Variants in BRMS1L observed in about 807,000 individuals in gnomAD.
BRMS1L encodes breast cancer metastasis-suppressor 1-like protein.
BRMS1L carries 23 observed loss-of-function variants against 50.3 expected under a neutral mutation model. The observed-to-expected ratio is 0.46, with a 90% CI of 0.33 to 0.65. BRMS1L has a LOEUF of 0.65. BRMS1L is among the 30% of genes least tolerant of loss of function. The pLI is 0.02. For missense variants in BRMS1L, 286 were observed against 386.1 expected (o/e 0.74, Z 2.17); for synonymous variants, 114 against 126.9 (o/e 0.90, Z 0.69).
chr14:35,864,581 A>G (rs1328021158), intron 6 of BRMS1L, among the ~76,000 whole-genome samples: 5 of 152,146 alleles, frequency 3.3e-5, no homozygotes, highest in African/African-American at 1.2e-4. Context: ...ACATTTTTAA[A>G]TGTTTCCAAA....
intron 4 of BRMS1L, among the ~76,000 whole-genome samples, chr14:35,855,055 C>T (rs1044483794): frequency 2.6e-5 from 4 of 152,188 alleles, no homozygotes; most frequent in African/African-American, 7.2e-5. Context: ...TGTAGTCCTT[C>T]GGGGCTTTGT....
At chr14:35,842,474 T>C (rs1467251317) in intron 4 of BRMS1L, among the ~76,000 whole-genome samples, 1 of 152,200 alleles carries the variant, frequency 6.6e-6, no homozygotes, top group Non-Finnish European at 1.5e-5. Context: ...GGGTTGAAAA[T>C]TCTTTTCTTT....
intron 4 of BRMS1L, among the ~76,000 whole-genome samples, chr14:35,861,007 C>T (rs956999889): frequency 2.0e-5 from 3 of 152,156 alleles, no homozygotes; most frequent in Non-Finnish European, 4.4e-5. Context: ...CCTTCTTTTC[C>T]AGGTATCTTC....
chr14:35,858,378 A>C (rs927585990), intron 4 of BRMS1L, among the ~76,000 whole-genome samples: 1 of 152,108 alleles, frequency 6.6e-6, no homozygotes, highest in Non-Finnish European at 1.5e-5. Context: ...AGCAACCTGG[A>C]TGTCCCCTTC....
chr14:35,854,445 C>T (rs1167119487), intron 4 of BRMS1L, among the ~76,000 whole-genome samples: 1 of 152,206 alleles, frequency 6.6e-6, no homozygotes, highest in Non-Finnish European at 1.5e-5. Flanking sequence ...TCACTGGCCG[C>T]ATTTGAGCTC....
At chr14:35,851,371 A>G (rs2078209105) in intron 4 of BRMS1L, among the ~76,000 whole-genome samples, 1 of 144,174 alleles carries the variant, frequency 6.9e-6, no homozygotes, top group Admixed American at 6.9e-5. Flanking sequence ...ATGTCTAAAC[A>G]AAAAAGCATG....
chr14:35,855,806 TG>T (rs528225948), intron 4 of BRMS1L, among the ~76,000 whole-genome samples: 14 of 152,174 alleles, frequency 9.2e-5, no homozygotes, highest in South Asian at 2.1e-4. Context: ...CTATATATTT[TG>T]TATTTACTCT....
intron 4 of BRMS1L, among the ~76,000 whole-genome samples, chr14:35,846,870 C>A (rs1384108025): frequency 6.6e-6 from 1 of 152,030 alleles, no homozygotes; most frequent in African/African-American, 2.4e-5. Flanking sequence ...ATATGGACTC[C>A]TTTTTTAAAC....
chr14:35,856,170 G>A (rs1448030578), intron 4 of BRMS1L, among the ~76,000 whole-genome samples: 2 of 152,186 alleles, frequency 1.3e-5, no homozygotes, highest in African/African-American at 4.8e-5. Flanking sequence ...CCAGAGACTG[G>A]ACATGTTCAC....
At chr14:35,844,704 G>A (rs1336404046) in intron 4 of BRMS1L, among the ~76,000 whole-genome samples, 1 of 152,196 alleles carries the variant, frequency 6.6e-6, no homozygotes, top group African/African-American at 2.4e-5. Flanking sequence ...AGCTGCTTGA[G>A]TTGCTGAGGT....
chr14:35,843,788 C>G (rs2078096935), intron 4 of BRMS1L, among the ~76,000 whole-genome samples: 1 of 152,198 alleles, frequency 6.6e-6, no homozygotes, highest in South Asian at 2.1e-4. Context: ...GCGCCCATAG[C>G]CACGCCTTCC....
intron 4 of BRMS1L, among the ~76,000 whole-genome samples, chr14:35,855,084 G>A (rs2078263477): frequency 6.6e-6 from 1 of 152,188 alleles, no homozygotes; most frequent in Non-Finnish European, 1.5e-5. Context: ...CCCAGTTCCA[G>A]TTCCCTATTC....
chr14:35,830,768 G>A (rs763385270), intron 1 of BRMS1L, among the ~76,000 whole-genome samples: 1 of 152,162 alleles, frequency 6.6e-6, no homozygotes, highest in Non-Finnish European at 1.5e-5. Flanking sequence ...AGTCATTTTG[G>A]TGCTACATTC....
At chr14:35,863,458 G>A (rs2078379171) in intron 5 of BRMS1L, among the ~76,000 whole-genome samples, 1 of 152,200 alleles carries the variant, frequency 6.6e-6, no homozygotes, top group South Asian at 2.1e-4. Context: ...CTGAGCTCTA[G>A]TGCCAGTGCT....
At chr14:35,843,192 C>G (rs984691655) in intron 4 of BRMS1L, among the ~76,000 whole-genome samples, 13 of 152,302 alleles carry the variant, frequency 8.5e-5, no homozygotes, top group African/African-American at 3.1e-4. Context: ...ATTCGTCAAG[C>G]TCATTCTCTG....
At chr14:35,857,216 G>A (rs1235764609) in intron 4 of BRMS1L, among the ~76,000 whole-genome samples, 2 of 150,098 alleles carry the variant, frequency 1.3e-5, no homozygotes, top group African/African-American at 4.9e-5. Flanking sequence ...ACTCCAGCCT[G>A]GGCGACAGAG....
At chr14:35,838,608 A>C (rs528531179) in intron 4 of BRMS1L, among the ~76,000 whole-genome samples, 2 of 152,174 alleles carry the variant, frequency 1.3e-5, no homozygotes, top group Non-Finnish European at 2.9e-5. Context: ...TTTGATTTGC[A>C]TGTCTCTAAT....
At chr14:35,843,967 G>A (rs2078098928) in intron 4 of BRMS1L, among the ~76,000 whole-genome samples, 1 of 152,160 alleles carries the variant, frequency 6.6e-6, no homozygotes, top group Admixed American at 6.5e-5. Context: ...GCAACTTCCT[G>A]GTGGCTTTGT....
chr14:35,826,487 G>C lies in BRMS1L; in HGVS notation c.-30G>C, dbSNP rs759321989. On this transcript the variant is annotated 5_prime_UTR_variant, in exon 1 of 10. Transcript: ENST00000216807. ...AGCGGCGGTGGCCGGGCTGGGCGCC[G>C]GTAGTGGAAAGCGACGGCGCGGCTG... 7.0e-6 allele frequency: 11 copies of C among 1,561,102 alleles called. No homozygotes were observed. Among genetic ancestry groups the C allele is most frequent in the South Asian group, 4.7e-5 (4 of 85,044 alleles).
Sources: allele counts gnomAD v4.1 joint callset (sites outside exome capture counted in the v4.1 genomes callset), GRCh38; gene constraint gnomAD v4.1.1; transcripts MANE v1.5; gene names NCBI Gene and HGNC (gene_info 2026-07-23, HGNC 2026-07-21).